The following TMPRSS11E variants were observed in gnomAD, a reference collection of about 807,000 sequenced individuals.
The protein encoded by TMPRSS11E is transmembrane protease serine 11E.
Under a neutral mutation model 48.1 loss-of-function variants are expected in TMPRSS11E, and 38 were observed. That is an observed-to-expected ratio of 0.79 (90% CI 0.61 to 1.04). The LOEUF is 1.04. TMPRSS11E is among the 50% of genes least tolerant of loss of function. The pLI is 0.00. For missense variants in TMPRSS11E, 530 were observed against 510.8 expected (o/e 1.04, Z -0.36); for synonymous variants, 158 against 171.9 (o/e 0.92, Z 0.63).
chr4:68,451,644 G>C (rs1047867660), intron 1 of TMPRSS11E, among the ~76,000 whole-genome samples: 15 of 151,974 alleles, frequency 9.9e-5, no homozygotes, highest in Admixed American at 5.3e-4. Context: ...TGAACTGTGA[G>C]TCAGTGCAGG....
intron 1 of TMPRSS11E, among the ~76,000 whole-genome samples, chr4:68,454,766 GC>G (rs1279855228): frequency 3.3e-5 from 5 of 151,910 alleles, no homozygotes; most frequent in African/African-American, 1.2e-4. Context: ...CAAGGTGTCA[GC>G]ATGTGGCCCA....
chr4:68,475,381 G>A (rs1490171021), intron 6 of TMPRSS11E, among the ~76,000 whole-genome samples: 1 of 141,344 alleles, frequency 7.1e-6, no homozygotes, highest in Non-Finnish European at 1.5e-5. Flanking sequence ...ATAGTTATGG[G>A]GTTGTTGCAC....
At chr4:68,453,150 TTTCATTATGAAA>T (rs1188847140) in intron 1 of TMPRSS11E, among the ~76,000 whole-genome samples, 4 of 151,958 alleles carry the variant, frequency 2.6e-5, no homozygotes, top group Non-Finnish European at 5.9e-5. Flanking sequence ...AAAGCTAATT[TTTCATTATGAAA>T]GAGGAAATAA....
In TMPRSS11E at chr4:68,477,579, A is replaced by C; in HGVS notation, c.918A>C (p.Gln306His). 5 of 1,614,116 alleles carry C rather than the reference A, an allele frequency of 3.1e-6. No homozygotes were observed. Among genetic ancestry groups the C allele is most frequent in the Non-Finnish European group, 4.2e-6 (5 of 1,179,966 alleles). Reference protein sequence around the residue: ...VCLPDASYEFQPGDVMFVTGF... With the variant: ...VCLPDASYEFHPGDVMFVTGF... ...TCCCTGATGCATCCTATGAGTTTCA[A>C]CCAGGTGATGTGATGTTTGTGACAG... Residue 306 changes from glutamine to histidine, a missense_variant, in exon 8 of 10, where the codon CAA (glutamine) becomes CAC (histidine). Transcript: ENST00000305363.
rs1347960954 is a variant in TMPRSS11E, at chr4:68,458,999, C to T, written c.12-2822C>T. On this transcript the variant is annotated intron_variant, in intron 1 of 9. Transcript: ENST00000305363. The stretch of plus-strand genomic sequence containing the variant: ...GTTAGGAGGGGTCTGGACTTATTAT[C>T]CTTGTTTTTCATATGGAGAAATTAA... Among the ~76,000 whole-genome samples, 3 of 152,188 alleles carry T rather than the reference C, an allele frequency of 2.0e-5. No homozygotes were observed. In the South Asian group the frequency reaches 6.2e-4, roughly 32 times the overall value.
At chr4:68,457,668 T>G (rs1017641167) in intron 1 of TMPRSS11E, among the ~76,000 whole-genome samples, 2 of 151,940 alleles carry the variant, frequency 1.3e-5, no homozygotes, top group Admixed American at 6.6e-5. Context: ...CAATGATGTC[T>G]GTTATACGTA....
At chr4:68,466,013 TG>T (rs1434409277) in intron 2 of TMPRSS11E, among the ~76,000 whole-genome samples, 1 of 152,084 alleles carries the variant, frequency 6.6e-6, no homozygotes, top group Non-Finnish European at 1.5e-5. Flanking sequence ...CTGTGGTTGG[TG>T]GGAAAAACAT....
At chr4:68,474,192 A>G (rs1729148692) in intron 5 of TMPRSS11E, among the ~76,000 whole-genome samples, 1 of 152,090 alleles carries the variant, frequency 6.6e-6, no homozygotes, top group Non-Finnish European at 1.5e-5. Context: ...TGTCTTTTGA[A>G]ATTTGACTTC....
chr4:68,456,289 A>G (rs1472412723), intron 1 of TMPRSS11E, among the ~76,000 whole-genome samples: 1 of 151,958 alleles, frequency 6.6e-6, no homozygotes, highest in Non-Finnish European at 1.5e-5. Context: ...TAACTTCTCT[A>G]TGAGAACTAG....
chr4:68,460,240 G>T (rs925352039), intron 1 of TMPRSS11E, among the ~76,000 whole-genome samples: 9 of 152,138 alleles, frequency 5.9e-5, no homozygotes, highest in African/African-American at 1.9e-4. Context: ...TTTGTGTCCA[G>T]CCAGAGCCAG....
chr4:68,485,555 A>G (rs562051089), intron 9 of TMPRSS11E, among the ~76,000 whole-genome samples: 25 of 152,258 alleles, frequency 1.6e-4, no homozygotes, highest in Admixed American at 1.4e-3. Flanking sequence ...GTTTGCAAGT[A>G]TTTTGTTGAG....
chr4:68,448,403 G>A (rs1336668618), intron 1 of TMPRSS11E, among the ~76,000 whole-genome samples: 1 of 151,784 alleles, frequency 6.6e-6, no homozygotes, highest in Non-Finnish European at 1.5e-5. Context: ...TAAAAGCTAC[G>A]GATACTAAAC....
At chr4:68,484,018 C>T (rs557257344) in intron 9 of TMPRSS11E, among the ~76,000 whole-genome samples, 30 of 152,042 alleles carry the variant, frequency 2.0e-4, no homozygotes, top group South Asian at 1.0e-3. Flanking sequence ...GTACTAGCAC[C>T]ATGATCTTCT....
chr4:68,473,278 T>C (rs139043682), intron 5 of TMPRSS11E, among the ~76,000 whole-genome samples: 4,418 of 152,216 alleles, frequency 0.029, 235 homozygotes, highest in African/African-American at 0.1. Flanking sequence ...CAGGATCTGT[T>C]GTTCATTTGT....
chr4:68,469,423 C>T (rs1378267502), intron 4 of TMPRSS11E, among the ~76,000 whole-genome samples: 1 of 151,656 alleles, frequency 6.6e-6, no homozygotes, highest in African/African-American at 2.4e-5. Flanking sequence ...GGGTTTAGTA[C>T]ATAATGTTAA....
At chr4:68,492,159 G>T (rs1729743226) in intron 9 of TMPRSS11E, among the ~76,000 whole-genome samples, 1 of 152,116 alleles carries the variant, frequency 6.6e-6, no homozygotes, top group Non-Finnish European at 1.5e-5. Context: ...CCTAACAATT[G>T]AAATTGATTC....
At chr4:68,477,746 T>C in intron 8 of TMPRSS11E, 118 bp downstream of exon 8, 1 of 1,272,536 alleles carries the variant, frequency 7.9e-7, no homozygotes, top group Non-Finnish European at 1.1e-6. Flanking sequence ...CTGGACCAAG[T>C]CAGGCCCTAA....
At chr4:68,458,901 A>G (rs781229395) in intron 1 of TMPRSS11E, among the ~76,000 whole-genome samples, 11 of 152,242 alleles carry the variant, frequency 7.2e-5, no homozygotes, top group South Asian at 6.2e-4. Flanking sequence ...CGTTATTTGT[A>G]CAATGATTTT....
chr4:68,487,277 C>T (rs1375264039), intron 9 of TMPRSS11E, among the ~76,000 whole-genome samples: 13 of 149,812 alleles, frequency 8.7e-5, no homozygotes, highest in Non-Finnish European at 8.9e-5. Context: ...TTTGAGACCG[C>T]GTTTTGCTCT....
Sources: gnomAD v4.1 joint callset for allele counts (sites outside exome capture counted in the v4.1 genomes callset) on GRCh38, gnomAD v4.1.1 for gene constraint, MANE v1.5 for transcripts, NCBI Gene and HGNC (gene_info 2026-07-23, HGNC 2026-07-21) for gene names.